Variants in POTEI observed in about 807,000 individuals in gnomAD.
POTEI encodes the protein POTE ankyrin domain family, member I.
In POTEI, 14 loss-of-function variants were observed where a neutral mutation model predicts 43.4. That is an observed-to-expected ratio of 0.32 (90% CI 0.21 to 0.50). The LOEUF is 0.50. Among genes scored for constraint, POTEI ranks in the 20% least tolerant of loss-of-function variants. The pLI is 0.98. For synonymous variants in POTEI, 95 were observed against 297.9 expected, an observed-to-expected ratio of 0.32 and a Z score of 7.01; for missense variants, 235 against 795.4, an observed-to-expected ratio of 0.30 and a Z score of 8.47.
chr2:130,482,451 T>C (rs1348547534), intron 9 of POTEI, among the ~76,000 whole-genome samples: 7 of 150,492 alleles, frequency 4.7e-5, no homozygotes, highest in Non-Finnish European at 8.8e-5. Context: ...CGCTGCCTTA[T>C]TTTACTAGGT....
intron 13 of POTEI, among the ~76,000 whole-genome samples, chr2:130,473,816 C>CTTTTTTTTTT (rs1683086632): frequency 1.3e-5 from 1 of 74,322 alleles, no homozygotes. Context: ...TCAATGAAAC[C>CTTTTTTTTTT]ATTTCCCCTG....
rs759999613 is a variant in POTEI, at chr2:130,508,977, C to G, written c.259G>C (p.Asp87His). 3 of 1,596,872 alleles carry G rather than the reference C, an allele frequency of 1.9e-6. No homozygotes were observed. The South Asian group carries it at 3.4e-5, about 18-fold the overall frequency. Reference sequence around the variant, plus strand: ...CTGAGCGTCTTCATAGCGGAGTCGTCGTGGTCTCCAGAAGTGCCCACGTTG... The same window carrying G: ...CTGAGCGTCTTCATAGCGGAGTCGTGGTGGTCTCCAGAAGTGCCCACGTTG... Reference protein sequence around the residue: ...KSNVGTSGDHDDSAMKTLRSK... With the variant: ...KSNVGTSGDHHDSAMKTLRSK... Residue 87 changes from aspartate (D) to histidine (H), a missense_variant, in exon 1 of 15, where the codon GAC becomes CAC. Transcript: ENST00000451531.
chr2:130,478,231 A>C (rs2105075004), intron 10 of POTEI, among the ~76,000 whole-genome samples: 1 of 14,608 alleles, frequency 6.8e-5, no homozygotes, highest in South Asian at 2.0e-3. Context: ...AGTCAGTTCT[A>C]TAATAAAGTC....
chr2:130,474,229 T>C, intron 13 of POTEI, 149 bp downstream of exon 13: 1 of 587,282 alleles, frequency 1.7e-6, no homozygotes, highest in South Asian at 2.3e-5. Context: ...CGGTAACTGA[T>C]TGTTTGCTGA....
At chr2:130,488,579 G>C (rs1260434731) in intron 8 of POTEI, among the ~76,000 whole-genome samples, 2 of 126,994 alleles carry the variant, frequency 1.6e-5, no homozygotes, top group African/African-American at 6.0e-5. Context: ...TGTGTCTTCT[G>C]TCTTTACCAC....
upstream of POTEI, chr2:130,509,543 G>A: frequency 6.6e-6 from 1 of 151,010 alleles, no homozygotes; most frequent in Non-Finnish European, 1.1e-5. Context: ...GAACGCGAGA[G>A]AGGAAACGCC....
At chr2:130,479,181 T>C (rs1370950000) in intron 10 of POTEI, among the ~76,000 whole-genome samples, 5 of 146,932 alleles carry the variant, frequency 3.4e-5, no homozygotes, top group Non-Finnish European at 3.0e-5. Context: ...TGCCTCTGTT[T>C]TATATTCCCA....
Position 130,485,830 on chromosome 2 carries a change from G to A in POTEI, c.1409+2202C>T, listed in dbSNP as rs1331913967. On this transcript the variant is annotated intron_variant, in intron 9 of 14. Transcript: ENST00000451531. ...TTGGAGGACTGCTGAAATTGAAGAC[G>A]CCGGTGTGAGATTAAGAGTGAATGA... 2.6e-4 allele frequency among the ~76,000 whole-genome samples: 2 copies of A among 7,700 alleles called. 1 individual carries two copies. Among genetic ancestry groups the A allele is most frequent in the African/African-American group, 2.8e-4 (2 of 7,146 alleles). 5.1% of individuals were successfully genotyped at this position (7,700 alleles called of 152,430 possible).
intron 13 of POTEI, among the ~76,000 whole-genome samples, chr2:130,467,769 A>G: frequency 6.6e-6 from 1 of 151,722 alleles, no homozygotes; most frequent in Non-Finnish European, 1.5e-5. Context: ...TCAACAGGAA[A>G]AACGCAAATA....
At chr2:130,467,774 C>T (rs1300876247) in intron 13 of POTEI, among the ~76,000 whole-genome samples, 2 of 151,488 alleles carry the variant, frequency 1.3e-5, no homozygotes, top group African/African-American at 2.4e-5. Flanking sequence ...AGGAAAAACG[C>T]AAATAATTCC....
At chr2:130,491,222 A>C (rs4080644) in intron 6 of POTEI, among the ~76,000 whole-genome samples, 100,246 of 124,922 alleles carry the variant, frequency 0.8, 38,087 homozygotes, top group East Asian at 0.94. Context: ...CAGCAAGGTT[A>C]AGAAAACAAA....
In POTEI at chr2:130,479,851, A is replaced by G. The variant is rs72614444; in HGVS notation, c.1480+2152T>C. Among the ~76,000 whole-genome samples, 17 of 34,056 alleles carry G rather than the reference A, an allele frequency of 5.0e-4. 2 individuals carry two copies. The highest frequency in any genetic ancestry group is 0.042 in the East Asian group (2 of 48). 22.3% of individuals were successfully genotyped at this position (34,056 alleles called of 152,430 possible). A position where few individuals can be genotyped will look rare whatever the true frequency, so the allele number is the denominator to read the frequency against. On this transcript the variant is annotated intron_variant, in intron 10 of 14. Coordinates refer to ENST00000451531, the MANE Select transcript of POTEI (RefSeq NM_001277406.2). ...CCTCATTCTTTCTGGCAGAAAAAAT[A>G]TAAGTCTATTGGGATATTTAATATC...
chr2:130,480,426 C>T (rs1259185092), intron 10 of POTEI, among the ~76,000 whole-genome samples: 1 of 150,962 alleles, frequency 6.6e-6, no homozygotes, highest in East Asian at 2.0e-4. Context: ...AGAAACCCTG[C>T]CATGTTCACT....
At position 130,482,344 on chromosome 2, in the gene POTEI, A is replaced by C. The variant is rs555704477; in HGVS notation, c.1410-271T>G. Among the ~76,000 whole-genome samples the C allele has an allele frequency of 5.2e-3, 773 of 148,340 alleles. 17 individuals carry two copies. The highest frequency in any genetic ancestry group is 0.015 in the Admixed American group (220 of 15,030). On this transcript the variant is annotated intron_variant, in intron 9 of 14. Transcript: ENST00000451531. ...GCCTGACATAATAGAAAGTGTCCCA[A>C]CTCTAAATAAGTCCTAGCTCCATAA...
intron 6 of POTEI, among the ~76,000 whole-genome samples, chr2:130,491,771 C>G (rs1182043983): frequency 1.9e-5 from 2 of 106,338 alleles, no homozygotes; most frequent in African/African-American, 6.0e-5. Flanking sequence ...TCTCCTGTCT[C>G]AGTCTCCGGA....
rs763196506 is a variant in POTEI, at chr2:130,461,297, CA to C, written c.*1518del. 4.6e-5 allele frequency: 7 copies of C among 151,924 alleles called. No individual in the cohort carries two copies. The highest frequency in any genetic ancestry group is 8.8e-5 in the Non-Finnish European group (6 of 68,116). 9.4% of individuals were successfully genotyped at this position (151,924 alleles called of 1,614,324 possible). A position where few individuals can be genotyped will look rare whatever the true frequency, so the allele number is the denominator to read the frequency against. The stretch of plus-strand genomic sequence containing the variant: ...TAAGGCTGAAATGCCTGGGTCGCCC[CA>C]ACAGCAAAGATGACAATCTGGTCCT... On this transcript the variant is annotated 3_prime_UTR_variant, in exon 15 of 15. Transcript: ENST00000451531.
At position 130,461,778 on chromosome 2, in the gene POTEI, T is replaced by C. The variant is rs1682643948; in HGVS notation, c.*1038A>G. 2 of 144,182 alleles carry C rather than the reference T, an allele frequency of 1.4e-5. No homozygotes were observed. The highest frequency in any genetic ancestry group is 3.0e-5 in the Non-Finnish European group (2 of 65,720). 8.9% of individuals were successfully genotyped at this position (144,182 alleles called of 1,614,324 possible). On this transcript the variant is annotated 3_prime_UTR_variant, in exon 15 of 15. Coordinates refer to ENST00000451531, the MANE Select transcript of POTEI (RefSeq NM_001277406.2). The stretch of plus-strand genomic sequence containing the variant: ...ATGCTGTGCTGTGGGATCTCTTCTG[T>C]CCCTCGTCGGTTTGTACTCTCCAAA...
In POTEI at chr2:130,486,638, T is replaced by A. The variant is rs560185935; in HGVS notation, c.1409+1394A>T. On this transcript the variant is annotated intron_variant, in intron 9 of 14. Coordinates refer to ENST00000451531, the MANE Select transcript of POTEI (RefSeq NM_001277406.2). ...TTAGCTGGGTGTGATGTTGCACACC[T>A]ATGGTCCCAACTAGTAGAGAGGCTG... Among the ~76,000 whole-genome samples, 43 of 88,342 alleles carry A rather than the reference T, an allele frequency of 4.9e-4. 2 individuals carry two copies. Among genetic ancestry groups the A allele is most frequent in the African/African-American group, 1.7e-3 (38 of 22,200 alleles). The allele number at this position is 88,342 out of a possible 152,430, so 58.0% of individuals were successfully genotyped here. A position where few individuals can be genotyped will look rare whatever the true frequency, so the allele number is the denominator to read the frequency against.
rs1356711290 is a variant in POTEI, at chr2:130,471,342, C to G, written c.1778+3036G>C. Among the ~76,000 whole-genome samples the G allele has an allele frequency of 3.3e-4, 4 of 12,254 alleles. 1 individual carries two copies. The highest frequency in any genetic ancestry group is 3.5e-4 in the African/African-American group (4 of 11,412). The allele number at this position is 12,254 out of a possible 152,430, so 8.0% of individuals were successfully genotyped here. ...AGAGAGAAAGATCAGTCAAGAATAA[C>G]ACTGAGGTTTTTGGCAGAGCAACTG... On this transcript the variant is annotated intron_variant, in intron 13 of 14. Transcript: ENST00000451531.
Sources: gnomAD v4.1 joint callset for allele counts (sites outside exome capture counted in the v4.1 genomes callset) on GRCh38, gnomAD v4.1.1 for gene constraint, MANE v1.5 for transcripts, NCBI Gene and HGNC (gene_info 2026-07-23, HGNC 2026-07-21) for gene names.